OMA1: variants seen among roughly 807,000 people sequenced by gnomAD.
OMA1 encodes the protein OMA1 zinc metallopeptidase, also known as metalloendopeptidase OMA1, mitochondrial.
A neutral mutation model predicts 30.9 loss-of-function variants in OMA1; 38 were observed. The observed-to-expected ratio is 1.23, with a 90% CI of 0.95 to 1.61. The LOEUF is 1.61. OMA1 is among the 40% of genes most tolerant of loss of function. OMA1 has a pLI of 0.00. For missense variants in OMA1, 461 were observed against 349.2 expected (o/e 1.32, Z -2.55); for synonymous variants, 173 against 121.9 (o/e 1.42, Z -2.76).
At chr1:58,518,000 A>G (rs918106758) in intron 7 of OMA1, among the ~76,000 whole-genome samples, 7 of 151,338 alleles carry the variant, frequency 4.6e-5, no homozygotes, top group Non-Finnish European at 8.8e-5. Context: ...CAGCCTGCCC[A>G]ACATGGAGAA....
chr1:58,484,968 A>G (rs1029270605), intron 8 of OMA1, among the ~76,000 whole-genome samples: 5 of 152,110 alleles, frequency 3.3e-5, no homozygotes, highest in African/African-American at 1.2e-4. Flanking sequence ...ATGATGCTAT[A>G]ATGGTGGATA....
Position 58,480,777 on chromosome 1 carries a change from T to C in OMA1, c.*188A>G, listed in dbSNP as rs959334204. On this transcript the variant is annotated 3_prime_UTR_variant, in exon 9 of 9. Coordinates refer to ENST00000371226, the MANE Select transcript of OMA1 (RefSeq NM_145243.5). ...TTTCCTCATTGAAGATATTTTAACA[T>C]AGATTAAAATACATCAATATTTCAT... is the stretch of plus-strand genomic sequence containing the variant. The C allele has an allele frequency of 3.3e-5, 15 of 454,896 alleles. No individual in the cohort carries two copies. The highest frequency in any genetic ancestry group is 3.0e-4 in the African/African-American group (15 of 49,712). The allele number at this position is 454,896 out of a possible 1,614,324, so 28.2% of individuals were successfully genotyped here. A position where few individuals can be genotyped will look rare whatever the true frequency, so the allele number is the denominator to read the frequency against.
chr1:58,529,240 C>A (rs1475467889), intron 6 of OMA1, among the ~76,000 whole-genome samples: 1 of 152,156 alleles, frequency 6.6e-6, no homozygotes, highest in Non-Finnish European at 1.5e-5. Context: ...GAATTTTGCA[C>A]ATTAGATTTA....
At chr1:58,481,923 T>G (rs781545390) in intron 8 of OMA1, among the ~76,000 whole-genome samples, 2 of 152,214 alleles carry the variant, frequency 1.3e-5, no homozygotes, top group Non-Finnish European at 2.9e-5. Context: ...TAAACCTCTT[T>G]CCTTCATAAA....
At chr1:58,545,833 C>T (rs1275036368) in intron 1 of OMA1, among the ~76,000 whole-genome samples, 1 of 152,164 alleles carries the variant, frequency 6.6e-6, no homozygotes, top group African/African-American at 2.4e-5. Context: ...AATAATCATT[C>T]AAGCAAAGTA....
intron 8 of OMA1, among the ~76,000 whole-genome samples, chr1:58,486,064 T>G (rs1411948050): frequency 1.3e-5 from 2 of 152,236 alleles, no homozygotes; most frequent in Non-Finnish European, 2.9e-5. Flanking sequence ...ACTTTCTATG[T>G]GCCTTTCACT....
At chr1:58,524,269 G>A (rs192109735) in intron 7 of OMA1, among the ~76,000 whole-genome samples, 69 of 152,176 alleles carry the variant, frequency 4.5e-4, no homozygotes, top group Non-Finnish European at 8.4e-4. Context: ...TCTCCTTAAC[G>A]ATTTTCTTAA....
rs530634122 is a variant in OMA1 at position 58,533,187 on chromosome 1, A to T, written c.1011+766T>A. Reference sequence around the variant, plus strand: ...TGGACTTATATCAAGATGAACAGACATGTATTCACAGGAGCATACATCAAC... The same window carrying T: ...TGGACTTATATCAAGATGAACAGACTTGTATTCACAGGAGCATACATCAAC... On this transcript the variant is annotated intron_variant, in intron 5 of 8. Transcript: ENST00000371226. Among the ~76,000 whole-genome samples the T allele has an allele frequency of 3.3e-4, 50 of 152,358 alleles. No individual in the cohort carries two copies. The South Asian group carries it at 0.01, about 32-fold the overall frequency.
At chr1:58,528,797 G>A (rs1489051569) in intron 6 of OMA1, among the ~76,000 whole-genome samples, 1 of 152,152 alleles carries the variant, frequency 6.6e-6, no homozygotes, top group Non-Finnish European at 1.5e-5. Context: ...ATCACAGTGA[G>A]CAACTTTCTA....
intron 8 of OMA1, among the ~76,000 whole-genome samples, chr1:58,491,075 G>A (rs1379025815): frequency 2.0e-5 from 3 of 152,012 alleles, no homozygotes; most frequent in African/African-American, 7.3e-5. Context: ...CCAAAGTGCT[G>A]AGATTACAGG....
intron 8 of OMA1, among the ~76,000 whole-genome samples, chr1:58,491,574 A>G (rs1373919319): frequency 6.6e-6 from 1 of 152,174 alleles, no homozygotes; most frequent in African/African-American, 2.4e-5. Flanking sequence ...AGGAAGATCT[A>G]CCAAGCAAAT....
chr1:58,539,817 G>A (rs1386243955), intron 1 of OMA1, among the ~76,000 whole-genome samples: 1 of 152,280 alleles, frequency 6.6e-6, no homozygotes, highest in African/African-American at 2.4e-5. Context: ...AATGCAGACA[G>A]GGTAAACCTA....
intron 1 of OMA1, among the ~76,000 whole-genome samples, chr1:58,543,185 A>G (rs1446199904): frequency 1.3e-5 from 2 of 152,162 alleles, no homozygotes; most frequent in South Asian, 2.1e-4. Context: ...GCTTTCTTCA[A>G]TGAGTTTCTG....
intron 8 of OMA1, among the ~76,000 whole-genome samples, chr1:58,495,490 T>C (rs970624106): frequency 2.6e-5 from 4 of 152,178 alleles, no homozygotes; most frequent in Admixed American, 2.6e-4. Context: ...TTTCATATTA[T>C]TCAGCTGAAT....
At chr1:58,481,646 CAT>C (rs1241178832) in intron 8 of OMA1, among the ~76,000 whole-genome samples, 1 of 152,084 alleles carries the variant, frequency 6.6e-6, no homozygotes, top group Non-Finnish European at 1.5e-5. Context: ...ATATGGTTTG[CAT>C]ATGTCTCCAC....
At chr1:58,541,888 G>C (rs1421763043) in intron 1 of OMA1, among the ~76,000 whole-genome samples, 1 of 152,248 alleles carries the variant, frequency 6.6e-6, no homozygotes, top group East Asian at 1.9e-4. Context: ...TTGTATCTCA[G>C]TGATAGTTAC....
chr1:58,510,940 A>T (rs986895010), intron 7 of OMA1, among the ~76,000 whole-genome samples: 13 of 152,272 alleles, frequency 8.5e-5, no homozygotes, highest in Middle Eastern at 3.4e-3. Context: ...TACACTAAAA[A>T]GTATCTAAAA....
chr1:58,530,727 T>A lies in OMA1; in HGVS notation c.1014A>T (p.Ala338=). Residue 338 remains alanine, a splice_region_variant and synonymous_variant, in exon 6 of 9, where the codon GCA becomes GCT. Coordinates refer to ENST00000371226, the MANE Select transcript of OMA1 (RefSeq NM_145243.5). ...EIAHAVLGHA[A]EKAGMVHLLD... ...ACAAATGAACCATGCCAGCCTTTTC[T>A]GCCTAAGAATAATCAAAATAATAAA... is the stretch of plus-strand genomic sequence containing the variant. 1 of 872,078 alleles carries A rather than the reference T, an allele frequency of 1.1e-6. No homozygotes were observed. The highest frequency in any genetic ancestry group is 2.0e-6 in the Non-Finnish European group (1 of 501,292). The allele number at this position is 872,078 out of a possible 1,614,324, so 54.0% of individuals were successfully genotyped here.
chr1:58,496,806 T>C (rs909921839), intron 8 of OMA1, among the ~76,000 whole-genome samples: 1 of 152,226 alleles, frequency 6.6e-6, no homozygotes, highest in Non-Finnish European at 1.5e-5. Flanking sequence ...TTAGGGTTAA[T>C]TTGGCTGGTC....
Sources: allele counts gnomAD v4.1 joint callset (sites outside exome capture counted in the v4.1 genomes callset), GRCh38; gene constraint gnomAD v4.1.1; transcripts MANE v1.5; gene names NCBI Gene and HGNC (gene_info 2026-07-23, HGNC 2026-07-21).